The following TMCO4 variants were observed in gnomAD, a reference collection of about 807,000 sequenced individuals.
The protein encoded by TMCO4 is transmembrane and coiled-coil domains 4, also known as transmembrane and coiled-coil domain-containing protein 4.
Under a neutral mutation model 64.7 loss-of-function variants are expected in TMCO4, and 58 were observed. The observed-to-expected ratio is 0.90, with a 90% confidence interval of 0.73 to 1.12. The LOEUF (loss-of-function observed/expected upper bound fraction) is 1.12. TMCO4 is among the 50% of genes most tolerant of loss of function. The pLI, the probability that TMCO4 is intolerant of heterozygous loss-of-function variation, is 0.00. For missense variants in TMCO4, 780 were observed against 825.9 expected, an observed-to-expected ratio of 0.94 and a Z score of 0.68; for synonymous variants, 325 against 346.1, an observed-to-expected ratio of 0.94 and a Z score of 0.68.
intron 6 of TMCO4, among the ~76,000 whole-genome samples, chr1:19,769,958 G>A (rs1281598904): frequency 1.6e-5 from 2 of 123,480 alleles, no homozygotes; most frequent in African/African-American, 2.9e-5. Flanking sequence ...GGGAGCTGCC[G>A]GAGGCCGGCA....
chr1:19,771,387 C>T lies in TMCO4; in HGVS notation c.275G>A (p.Gly92Glu). 6.2e-7 allele frequency: 1 copy of T among 1,614,190 alleles called. No individual in the cohort carries two copies. Among genetic ancestry groups the T allele is most frequent in the Non-Finnish European group, 8.5e-7 (1 of 1,180,036 alleles). ...PTMTAFASGL[G>E]GEGADVFVQI... ...AACAAACACATCTGCTCCTTCACCTCCCAGGCCGCTCGCAAAAGCAGTCAT... is the reference window on the plus strand; with the variant it reads ...AACAAACACATCTGCTCCTTCACCTTCCAGGCCGCTCGCAAAAGCAGTCAT... Residue 92 changes from glycine to glutamate, a missense_variant, in exon 5 of 16, where the codon GGA (glycine) becomes GAA (glutamate). By Grantham distance (98) the Gly-to-Glu change is moderately conservative. Coordinates refer to ENST00000294543, the MANE Select transcript of TMCO4 (RefSeq NM_181719.7).
At chr1:19,796,133 TC>T (rs1002316055) in intron 2 of TMCO4, among the ~76,000 whole-genome samples, 3 of 152,202 alleles carry the variant, frequency 2.0e-5, no homozygotes, top group African/African-American at 7.2e-5. Flanking sequence ...CACTTCAGCT[TC>T]CCAACAACCT....
intron 4 of TMCO4, among the ~76,000 whole-genome samples, chr1:19,777,026 CAAAAAAAAAAA>C (rs59722797): frequency 8.8e-4 from 73 of 82,774 alleles, no homozygotes; most frequent in African/African-American, 3.2e-3. Flanking sequence ...GACACTGTCT[CAAAAAAAAAAA>C]AAAAAAAAAA....
At chr1:19,795,404 G>A (rs1057149162) in intron 2 of TMCO4, among the ~76,000 whole-genome samples, 8 of 152,060 alleles carry the variant, frequency 5.3e-5, no homozygotes, top group South Asian at 2.1e-4. Flanking sequence ...TCCAGGAGGC[G>A]GAGGTTGCAG....
Position 19,739,971 on chromosome 1 carries a change from G to A in TMCO4, c.1043-11C>T, listed in dbSNP as rs769487627. On this transcript the variant is annotated splice_polypyrimidine_tract_variant and intron_variant, in intron 11 of 15. Transcript: ENST00000294543. ...GGGCAGCCACAATGCCTGGGGAGGT[G>A]AGATAGTGATGAAGGGAATGGCCCC... 1.9e-6 allele frequency: 3 copies of A among 1,610,674 alleles called. No homozygotes were observed. Among genetic ancestry groups the A allele is most frequent in the African/African-American group, 1.3e-5 (1 of 74,792 alleles).
At chr1:19,725,560 C>T (rs970268104) in intron 13 of TMCO4, among the ~76,000 whole-genome samples, 1 of 152,132 alleles carries the variant, frequency 6.6e-6, no homozygotes, top group Non-Finnish European at 1.5e-5. Context: ...GCTGGCTGTT[C>T]CTGGCAGCAG....
intron 5 of TMCO4, among the ~76,000 whole-genome samples, chr1:19,770,814 G>A (rs1374201506): frequency 1.3e-5 from 2 of 152,218 alleles, no homozygotes. Flanking sequence ...CCAACAGTCT[G>A]CGTCACAAGC....
intron 3 of TMCO4, among the ~76,000 whole-genome samples, chr1:19,783,986 G>A (rs902950996): frequency 1.3e-5 from 2 of 152,236 alleles, no homozygotes; most frequent in South Asian, 4.1e-4. Context: ...ACTAAGGGCA[G>A]TGCCAAGGGC....
intron 2 of TMCO4, among the ~76,000 whole-genome samples, chr1:19,796,487 C>T (rs1052762313): frequency 6.6e-6 from 1 of 152,072 alleles, no homozygotes; most frequent in Admixed American, 6.6e-5. Context: ...ACCAGGGATT[C>T]GCAATTAATA....
intron 13 of TMCO4, among the ~76,000 whole-genome samples, chr1:19,712,634 A>G (rs2095336521): frequency 6.6e-6 from 1 of 151,886 alleles, no homozygotes; most frequent in East Asian, 1.9e-4. Context: ...AAAAAAAAAA[A>G]GAAAAAAGAA....
intron 13 of TMCO4, among the ~76,000 whole-genome samples, chr1:19,701,735 G>A (rs1247736103): frequency 2.6e-5 from 4 of 152,178 alleles, no homozygotes; most frequent in Non-Finnish European, 5.9e-5. Flanking sequence ...GAAGTGGGGG[G>A]TGAAGAGGAG....
At chr1:19,685,266 C>CA (rs2095137357) in intron 15 of TMCO4, among the ~76,000 whole-genome samples, 1 of 152,206 alleles carries the variant, frequency 6.6e-6, no homozygotes, top group Admixed American at 6.5e-5. Flanking sequence ...GCTGAGGCTG[C>CA]AGTGAGCCCT....
At chr1:19,781,106 C>T (rs530129244) in intron 3 of TMCO4, among the ~76,000 whole-genome samples, 5 of 146,808 alleles carry the variant, frequency 3.4e-5, no homozygotes, top group African/African-American at 7.6e-5. Flanking sequence ...GATCGCGCCA[C>T]GGCACTCCAG....
At chr1:19,695,223 C>G (rs1182468431) in intron 14 of TMCO4, among the ~76,000 whole-genome samples, 1 of 152,248 alleles carries the variant, frequency 6.6e-6, no homozygotes, top group Middle Eastern at 3.2e-3. Flanking sequence ...CAGCCAAACA[C>G]TGCCCCTACA....
In TMCO4 at chr1:19,740,909, G is replaced by T; in HGVS notation, c.910C>A (p.His304Asn). Reference sequence around the variant, plus strand: ...GCCAGGCAGTACTGCTCACGGCTGTGGGCCAGGGCAGCCCACGGGGCACTG... The same window carrying T: ...GCCAGGCAGTACTGCTCACGGCTGTTGGCCAGGGCAGCCCACGGGGCACTG... ...TFSAPWAALA[H>N]SREQYCLAWE... Residue 304 changes from histidine (H) to asparagine (N), a missense_variant, in exon 11 of 16, where the codon CAC (histidine) becomes AAC (asparagine). Physicochemically the swap from His to Asn is moderately conservative, Grantham distance 68. Transcript: ENST00000294543. 1 of 1,613,520 alleles carries T rather than the reference G, an allele frequency of 6.2e-7. No homozygotes were observed. Among genetic ancestry groups the T allele is most frequent in the Admixed American group, 1.7e-5 (1 of 59,948 alleles).
In TMCO4 at chr1:19,739,986, G is replaced by T. The variant is rs773823888; in HGVS notation, c.1043-26C>A. On this transcript the variant is annotated intron_variant, in intron 11 of 15. Transcript: ENST00000294543. The stretch of plus-strand genomic sequence containing the variant: ...CTGGGGAGGTGAGATAGTGATGAAG[G>T]GAATGGCCCCTGTCCTAGGGTCCTA... The T allele has an allele frequency of 1.9e-6, 3 of 1,605,242 alleles. No individual in the cohort carries two copies. The Admixed American group carries it at 5.1e-5, about 27-fold the overall frequency.
chr1:19,764,561 G>A (rs2042645119), intron 6 of TMCO4, among the ~76,000 whole-genome samples: 1 of 152,178 alleles, frequency 6.6e-6, no homozygotes, highest in South Asian at 2.1e-4. Flanking sequence ...TAAACTGTAT[G>A]AGTCTCAAGG....
Position 19,780,731 on chromosome 1 carries a change from TCTGG to T in TMCO4, c.24_27del (p.Cys8Ter). On this transcript the variant is annotated frameshift_variant, in exon 4 of 16. Coordinates refer to ENST00000294543, the MANE Select transcript of TMCO4 (RefSeq NM_181719.7). LOFTEE classifies it high-confidence loss of function. ...GCTACCAGAGGCTGCTGAGGCAGCC[TCTGG>T]CATGGCCTGTTCCACATGGCCATTC... 5.0e-6 allele frequency: 8 copies of T among 1,604,792 alleles called. No homozygotes were observed. The highest frequency in any genetic ancestry group is 5.9e-6 in the Non-Finnish European group (7 of 1,177,706).
In TMCO4 at chr1:19,716,151, T is replaced by A. The variant is rs912087245; in HGVS notation, c.1265-15266A>T. On this transcript the variant is annotated intron_variant, in intron 13 of 15. Coordinates refer to ENST00000294543, the MANE Select transcript of TMCO4 (RefSeq NM_181719.7). ...GGGCAAAATAGTGAGACCTCTTCTC[T>A]ATTTTATTTTTATTTTATTATTATT... Among the ~76,000 whole-genome samples the A allele has an allele frequency of 4.9e-4, 67 of 135,562 alleles. 1 individual carries two copies. Among genetic ancestry groups the A allele is most frequent in the African/African-American group, 2.0e-3 (66 of 33,732 alleles). The allele number at this position is 135,562 out of a possible 152,430, so 88.9% of individuals were successfully genotyped here. A position where few individuals can be genotyped will look rare whatever the true frequency, so the allele number is the denominator to read the frequency against.
Sources: allele counts gnomAD v4.1 joint callset (sites outside exome capture counted in the v4.1 genomes callset), GRCh38; gene constraint gnomAD v4.1.1; transcripts MANE v1.5; gene names NCBI Gene and HGNC (gene_info 2026-07-23, HGNC 2026-07-21).